The following GRHL2 variants were observed in gnomAD, a reference collection of about 807,000 sequenced individuals.
GRHL2 encodes grainyhead like transcription factor 2.
In GRHL2, 21 loss-of-function variants were observed where a neutral mutation model predicts 83.8. The ratio of observed to expected loss-of-function variants is 0.25; its 90% confidence interval spans 0.18 to 0.36. GRHL2 has a LOEUF of 0.36. Among genes scored for constraint, GRHL2 ranks in the 10% least tolerant of loss-of-function variants. GRHL2 has a pLI of 1.00. For missense variants in GRHL2, 623 were observed against 781.8 expected, an observed-to-expected ratio of 0.80 and a Z score of 2.42; for synonymous variants, 280 against 278.9, an observed-to-expected ratio of 1.00 and a Z score of -0.04.
At chr8:101,566,651 AT>A (rs1209147294) in intron 4 of GRHL2, among the ~76,000 whole-genome samples, 2 of 149,620 alleles carry the variant, frequency 1.3e-5, no homozygotes, top group Admixed American at 6.7e-5. Context: ...TGCCCGATTG[AT>A]TTTTTTTACT....
At chr8:101,649,582 C>T (rs534770842) in intron 14 of GRHL2, 83 bp downstream of exon 14, 213 of 1,001,114 alleles carry the variant, frequency 2.1e-4, no homozygotes, top group Non-Finnish European at 2.5e-4. Context: ...GTGCAGCCAC[C>T]GAGATGGCTT....
At chr8:101,538,718 T>C (rs189617790) in intron 1 of GRHL2, among the ~76,000 whole-genome samples, 1 of 152,362 alleles carries the variant, frequency 6.6e-6, no homozygotes, top group Non-Finnish European at 1.5e-5. Flanking sequence ...GAAACTTTCC[T>C]TTCTTTACAA....
chr8:101,610,384 G>A (rs902055872), intron 8 of GRHL2, among the ~76,000 whole-genome samples: 1 of 150,782 alleles, frequency 6.6e-6, no homozygotes, highest in Non-Finnish European at 1.5e-5. Flanking sequence ...TAATCCTACA[G>A]GAAGGAGGGC....
chr8:101,544,547 T>C lies in GRHL2; in HGVS notation c.216+1111T>C, dbSNP rs182257510. On this transcript the variant is annotated intron_variant, in intron 2 of 15. Coordinates refer to ENST00000646743, the MANE Select transcript of GRHL2 (RefSeq NM_024915.4). ...TTTTGAATTATTAAAGTATAAAAAGTTGACCAGTATTTACTGAATGAGATT... is the reference window on the plus strand; with the variant it reads ...TTTTGAATTATTAAAGTATAAAAAGCTGACCAGTATTTACTGAATGAGATT... 1.2e-3 allele frequency among the ~76,000 whole-genome samples: 176 copies of C among 152,336 alleles called. 1 individual carries two copies. The highest frequency in any genetic ancestry group is 4.0e-3 in the African/African-American group (168 of 41,580).
chr8:101,663,851 T>G lies in GRHL2; in HGVS notation c.1699-603T>G, dbSNP rs1813981668. ...CTTAAGGAAGTTAGTTCCATGTCTG[T>G]CATTTCTGTTGCAAAAATGTTTCCC... is the stretch of plus-strand genomic sequence containing the variant. On this transcript the variant is annotated intron_variant, in intron 14 of 15. Coordinates refer to ENST00000646743, the MANE Select transcript of GRHL2 (RefSeq NM_024915.4). Among the ~76,000 whole-genome samples, 4 of 152,026 alleles carry G rather than the reference T, an allele frequency of 2.6e-5. No individual in the cohort carries two copies. In the South Asian group the frequency reaches 8.3e-4, roughly 32 times the overall value.
intron 4 of GRHL2, among the ~76,000 whole-genome samples, chr8:101,560,475 G>T (rs911172042): frequency 6.6e-6 from 1 of 152,162 alleles, no homozygotes; most frequent in Non-Finnish European, 1.5e-5. Flanking sequence ...GGACATTCCT[G>T]TTTATATTTC....
intron 7 of GRHL2, among the ~76,000 whole-genome samples, chr8:101,580,786 C>T (rs1466264707): frequency 6.6e-6 from 1 of 152,148 alleles, no homozygotes; most frequent in East Asian, 1.9e-4. Flanking sequence ...TCACTGCAGC[C>T]TCCGACTCCC....
intron 1 of GRHL2, among the ~76,000 whole-genome samples, chr8:101,536,187 G>C (rs894185906): frequency 6.6e-6 from 1 of 152,160 alleles, no homozygotes; most frequent in Admixed American, 6.5e-5. Flanking sequence ...AAGTAGGTTG[G>C]AACCAGATAA....
At chr8:101,577,228 AT>A (rs1489296008) in intron 6 of GRHL2, among the ~76,000 whole-genome samples, 179 bp from the exon 7 acceptor site, 2 of 151,658 alleles carry the variant, frequency 1.3e-5, no homozygotes, top group Non-Finnish European at 2.9e-5. Context: ...AGACAAATTC[AT>A]TTTTTAAGTA....
chr8:101,586,101 C>T (rs1188297933), intron 7 of GRHL2, among the ~76,000 whole-genome samples: 3 of 82,164 alleles, frequency 3.7e-5, no homozygotes, highest in African/African-American at 1.5e-4. Context: ...GAGACGGAGT[C>T]TCGCTCTGTC....
At chr8:101,556,601 C>G (rs751989467) in intron 3 of GRHL2, among the ~76,000 whole-genome samples, 1 of 152,186 alleles carries the variant, frequency 6.6e-6, no homozygotes. Context: ...TACATCCTCT[C>G]CTTTCTCTCT....
chr8:101,667,181 A>G lies in GRHL2; in HGVS notation c.*478A>G, dbSNP rs926231690. ...TAGTTATAGGTGGGGCAAGAGGTGG[A>G]TGCCCACTTTCTGGTCAGACACCTT... On this transcript the variant is annotated 3_prime_UTR_variant, in exon 16 of 16. Coordinates refer to ENST00000646743, the MANE Select transcript of GRHL2 (RefSeq NM_024915.4). The G allele has an allele frequency of 4.9e-6, 1 of 203,810 alleles. No homozygotes were observed. The highest frequency in any genetic ancestry group is 2.3e-5 in the African/African-American group (1 of 44,178). The allele number at this position is 203,810 out of a possible 1,614,324, so 12.6% of individuals were successfully genotyped here.
At chr8:101,539,904 G>A (rs1189163232) in intron 1 of GRHL2, among the ~76,000 whole-genome samples, 1 of 152,090 alleles carries the variant, frequency 6.6e-6, no homozygotes, top group Non-Finnish European at 1.5e-5. Context: ...CACACGCATG[G>A]CCCTGTGATA....
At chr8:101,661,602 A>G (rs1037584552) in intron 14 of GRHL2, among the ~76,000 whole-genome samples, 51 of 152,274 alleles carry the variant, frequency 3.3e-4, no homozygotes, top group Non-Finnish European at 4.4e-4. Context: ...ACTTTTTGCC[A>G]TTGTACTTTT....
chr8:101,556,708 C>T (rs572007537), intron 3 of GRHL2, among the ~76,000 whole-genome samples: 12 of 152,236 alleles, frequency 7.9e-5, no homozygotes, highest in African/African-American at 2.4e-4. Context: ...GTGCTAAGGA[C>T]GTCAGTGAGC....
At chr8:101,622,789 G>A (rs928276107) in intron 9 of GRHL2, among the ~76,000 whole-genome samples, 3 of 152,066 alleles carry the variant, frequency 2.0e-5, no homozygotes, top group Non-Finnish European at 2.9e-5. Context: ...CCCATCACCC[G>A]AGCAGTACAC....
At chr8:101,671,132 G>C (rs1360392323), downstream of GRHL2, among the ~76,000 whole-genome samples, 1 of 152,180 alleles carries the variant, frequency 6.6e-6, no homozygotes, top group Non-Finnish European at 1.5e-5. Context: ...TCCATCTGAG[G>C]TACCGGGTTC....
In GRHL2 at chr8:101,619,611, A is replaced by G. The variant is rs769568051; in HGVS notation, c.1171A>G (p.Ile391Val). 6.2e-7 allele frequency: 1 copy of G among 1,613,170 alleles called. No individual in the cohort carries two copies. Among genetic ancestry groups the G allele is most frequent in the Non-Finnish European group, 8.5e-7 (1 of 1,179,218 alleles). The change falls in exon 9 of 16, where the codon ATT becomes GTT. Residue 391 changes from isoleucine (I) to valine (V), a missense_variant. Ile to Val is a conservative substitution (Grantham distance 29, BLOSUM62 3). This residue lies in a region of GRHL2 where 24 missense variants were observed against 25.5 expected (regional missense o/e 0.94). Coordinates refer to ENST00000646743, the MANE Select transcript of GRHL2 (RefSeq NM_024915.4). ...QKGVKGLPLM[I>V]QIDTYSYNNR... The stretch of plus-strand genomic sequence containing the variant: ...AGGGGTGAAAGGACTTCCTTTGATG[A>G]TTCAGATTGACACATACAGTTATAA...
chr8:101,555,996 C>T (rs1811481880), intron 3 of GRHL2, among the ~76,000 whole-genome samples: 1 of 152,050 alleles, frequency 6.6e-6, no homozygotes, highest in African/African-American at 2.4e-5. Context: ...GCCCTTGTTG[C>T]CCAGGCTAGA....
Sources: gnomAD v4.1 joint callset for allele counts (sites outside exome capture counted in the v4.1 genomes callset) on GRCh38, gnomAD v4.1.1 for gene constraint, gnomAD v4.1.1 regional missense constraint, MANE v1.5 for transcripts, NCBI Gene and HGNC (gene_info 2026-07-23, HGNC 2026-07-21) for gene names.